The following EIF3I variants were observed in gnomAD, a reference collection of about 807,000 sequenced individuals.
The protein encoded by EIF3I is TGF-beta receptor-interacting protein 1.
Under a neutral mutation model 43.3 loss-of-function variants are expected in EIF3I, and 20 were observed. The observed-to-expected ratio is 0.46, with a 90% confidence interval of 0.32 to 0.67. The LOEUF (loss-of-function observed/expected upper bound fraction) is 0.67. EIF3I is among the 30% of genes least tolerant of loss of function. The pLI is 0.03. For missense variants in EIF3I, 279 were observed against 421.4 expected, an observed-to-expected ratio of 0.66 and a Z score of 2.96; for synonymous variants, 167 against 151.7, an observed-to-expected ratio of 1.10 and a Z score of -0.74.
chr1:32,235,930 C>A (rs918548939), downstream of EIF3I, among the ~76,000 whole-genome samples: 3 of 152,216 alleles, frequency 2.0e-5, no homozygotes, highest in African/African-American at 7.2e-5. Flanking sequence ...AATCTAACAG[C>A]GACTTCTCAG....
chr1:32,226,004 C>T (rs2124262413), intron 4 of EIF3I, 167 bp from the exon 5 acceptor site: 2 of 865,576 alleles, frequency 2.3e-6, no homozygotes, highest in East Asian at 3.0e-5. Context: ...GCCTGGGCAA[C>T]AGAGTGAAAC....
intron 6 of EIF3I, among the ~76,000 whole-genome samples, chr1:32,226,885 T>C (rs1279512813): frequency 7.7e-6 from 1 of 129,062 alleles, no homozygotes; most frequent in Non-Finnish European, 1.5e-5. Flanking sequence ...CAGGCTGGAG[T>C]GCAGTGGTAC....
chr1:32,230,222 T>G (rs574715263), intron 9 of EIF3I, among the ~76,000 whole-genome samples: 1 of 151,178 alleles, frequency 6.6e-6, no homozygotes, highest in Admixed American at 6.6e-5. Context: ...CATTCACTTC[T>G]TATCTCAATT....
downstream of EIF3I, chr1:32,231,754 G>A (rs1472463336): frequency 6.5e-6 from 1 of 154,008 alleles, no homozygotes; most frequent in Non-Finnish European, 1.4e-5. Context: ...CTGGGTTGCA[G>A]GCACCCTCAT....
rs748035113 is a variant in EIF3I at position 32,222,677 on chromosome 1, C to A, written c.96+47C>A. 4 of 1,580,344 alleles carry A rather than the reference C, an allele frequency of 2.5e-6. No individual in the cohort carries two copies. The South Asian group carries it at 4.4e-5, about 18-fold the overall frequency. On this transcript the variant is annotated intron_variant, in intron 2 of 11. Transcript: ENST00000676679. Reference sequence around the variant, plus strand: ...TCCGGGAGGGGCGGGATCCTTCTGCCAGGACGATGGGTGGACACGCCAGTT... The same window carrying A: ...TCCGGGAGGGGCGGGATCCTTCTGCAAGGACGATGGGTGGACACGCCAGTT...
chr1:32,225,894 G>T (rs911291465), intron 4 of EIF3I, among the ~76,000 whole-genome samples: 1 of 151,834 alleles, frequency 6.6e-6, no homozygotes, highest in African/African-American at 2.4e-5. Flanking sequence ...GGTGGCAGGC[G>T]CCTGTAGTCC....
intron 6 of EIF3I, 40 bp from the exon 7 acceptor site, chr1:32,228,459 G>T (rs1430043005): frequency 1.3e-6 from 2 of 1,552,838 alleles, no homozygotes; most frequent in African/African-American, 2.7e-5. Flanking sequence ...AGATTAGTAG[G>T]GATTGGGCCC....
At chr1:32,231,749 T>C (rs1410445945), downstream of EIF3I, 2 of 154,050 alleles carry the variant, frequency 1.3e-5, no homozygotes, top group African/African-American at 4.8e-5. Flanking sequence ...CTAACCTGGG[T>C]TGCAGGCACC....
At position 32,222,582 on chromosome 1, in the gene EIF3I, TA is replaced by T. The variant is rs1424613488; in HGVS notation, c.50del (p.Lys17SerfsTer24). 5.0e-6 allele frequency: 8 copies of T among 1,614,010 alleles called. No homozygotes were observed. Among genetic ancestry groups the T allele is most frequent in the Non-Finnish European group, 6.8e-6 (8 of 1,180,032 alleles). On this transcript the variant is annotated frameshift_variant, in exon 2 of 12. Coordinates refer to ENST00000676679, the Ensembl canonical transcript of EIF3I. LOFTEE classifies it high-confidence loss of function. ...GCCATGAGCGGTCCATTACGCAGATTAAGTATAACCGCGAAGGAGACCTCCT... is the reference window on the plus strand; with the variant it reads ...GCCATGAGCGGTCCATTACGCAGATTAGTATAACCGCGAAGGAGACCTCCT...
At chr1:32,232,828 G>T (rs1332266043), downstream of EIF3I, among the ~76,000 whole-genome samples, 1 of 152,068 alleles carries the variant, frequency 6.6e-6, no homozygotes, top group Non-Finnish European at 1.5e-5. Context: ...GGGTATAGAG[G>T]AAGACTGAGC....
downstream of EIF3I, chr1:32,231,671 G>A (rs1185958910): frequency 5.9e-6 from 1 of 170,308 alleles, no homozygotes; most frequent in Non-Finnish European, 1.3e-5. Context: ...GCTGATCATG[G>A]AGACTTTTAT....
chr1:32,223,515 C>T (rs1235625679), intron 2 of EIF3I, among the ~76,000 whole-genome samples: 1 of 152,162 alleles, frequency 6.6e-6, no homozygotes, highest in Non-Finnish European at 1.5e-5. Context: ...GAACTCCTGA[C>T]CTCAGGTGAT....
intron 4 of EIF3I, among the ~76,000 whole-genome samples, chr1:32,225,952 C>T (rs1434300981): frequency 2.6e-5 from 4 of 151,198 alleles, no homozygotes. Context: ...ACCCGGGAGG[C>T]GGAGCTTGCA....
intron 8 of EIF3I, 92 bp downstream of exon 8, chr1:32,228,908 GGAAATGATGTC>G: frequency 8.4e-7 from 1 of 1,196,454 alleles, no homozygotes; most frequent in Non-Finnish European, 1.2e-6. Flanking sequence ...ACATTGTGGG[GGAAATGATGTC>G]AGGCAGAGAG....
exon 8 of EIF3I, chr1:32,228,747 T>C (rs1639188171): frequency 1.2e-6 from 2 of 1,614,100 alleles, no homozygotes; most frequent in Non-Finnish European, 1.7e-6. Flanking sequence ...CCACAACTCT[T>C]GAACATCAGA....
chr1:32,228,452 T>G, intron 6 of EIF3I, 47 bp from the exon 7 acceptor site: 1 of 1,515,096 alleles, frequency 6.6e-7, no homozygotes, highest in Non-Finnish European at 9.2e-7. Context: ...GGAGCTGAGA[T>G]TAGTAGGGAT....
chr1:32,230,615 G>A (rs1458585311), intron 10 of EIF3I, among the ~76,000 whole-genome samples: 2 of 151,998 alleles, frequency 1.3e-5, no homozygotes, highest in African/African-American at 4.8e-5. Flanking sequence ...TAAGGAAGGC[G>A]GCTTGAGGCC....
chr1:32,223,750 C>T (rs981665778), intron 2 of EIF3I, among the ~76,000 whole-genome samples: 2 of 152,202 alleles, frequency 1.3e-5, no homozygotes, highest in Admixed American at 6.5e-5. Flanking sequence ...TGGACTGGAG[C>T]TCAACTTGGC....
chr1:32,231,899 A>G (rs374458770), downstream of EIF3I: 4 of 152,730 alleles, frequency 2.6e-5, no homozygotes, highest in South Asian at 2.1e-4. Flanking sequence ...CCTTCCTGTC[A>G]CTATTTGCCA....
Sources: allele counts gnomAD v4.1 joint callset (sites outside exome capture counted in the v4.1 genomes callset), GRCh38; gene constraint gnomAD v4.1.1; transcripts MANE v1.5; gene names NCBI Gene and HGNC (gene_info 2026-07-23, HGNC 2026-07-21).